Variants in CAMK1D observed in about 807,000 individuals in gnomAD.
CAMK1D encodes calcium/calmodulin-dependent protein kinase type 1D.
CAMK1D carries 9 observed loss-of-function variants against 47.7 expected under a neutral mutation model. The observed-to-expected ratio is 0.19, with a 90% confidence interval of 0.11 to 0.33. The LOEUF is 0.33. Among genes scored for constraint, CAMK1D ranks in the 10% least tolerant of loss-of-function variants. CAMK1D has a pLI of 1.00. For synonymous variants in CAMK1D, 184 were observed against 184.9 expected (o/e 0.99, Z 0.04); for missense variants, 291 against 488.7 (o/e 0.60, Z 3.81).
chr10:12,666,951 C>A, intron 3 of CAMK1D, 141 bp downstream of exon 3: 3 of 679,022 alleles, frequency 4.4e-6, no homozygotes, highest in Non-Finnish European at 7.7e-6. Flanking sequence ...ACTAGAGAGG[C>A]CTGTATCCAA....
At chr10:12,469,735 A>G (rs1452638975) in intron 1 of CAMK1D, among the ~76,000 whole-genome samples, 2 of 152,246 alleles carry the variant, frequency 1.3e-5, no homozygotes, top group Admixed American at 1.3e-4. Flanking sequence ...AAACAATGTT[A>G]TATTTTACTT....
intron 1 of CAMK1D, among the ~76,000 whole-genome samples, chr10:12,495,362 G>A (rs532955494): frequency 6.6e-6 from 1 of 152,326 alleles, no homozygotes; most frequent in South Asian, 2.1e-4. Context: ...GATAGCAATT[G>A]TAGTGAGTCT....
At chr10:12,440,369 C>G (rs1478291518) in intron 1 of CAMK1D, among the ~76,000 whole-genome samples, 1 of 151,844 alleles carries the variant, frequency 6.6e-6, no homozygotes, top group Non-Finnish European at 1.5e-5. Context: ...ACTACAGCCT[C>G]CGCCTTCCGG....
At chr10:12,733,144 C>A (rs1834972743) in intron 3 of CAMK1D, among the ~76,000 whole-genome samples, 1 of 152,214 alleles carries the variant, frequency 6.6e-6, no homozygotes, top group South Asian at 2.1e-4. Context: ...TCTTATATGG[C>A]ACCAGTTGTT....
At chr10:12,647,214 G>C (rs78298089) in intron 2 of CAMK1D, among the ~76,000 whole-genome samples, 1 of 141,412 alleles carries the variant, frequency 7.1e-6, no homozygotes, top group African/African-American at 2.6e-5. Context: ...GCAGTGACGC[G>C]ATCTTGGCTC....
chr10:12,760,586 T>C (rs540559862), intron 3 of CAMK1D: 2 of 188,362 alleles, frequency 1.1e-5, no homozygotes, highest in Non-Finnish European at 2.3e-5. Context: ...TACTGTCTCA[T>C]GCAAAGGAGA....
At chr10:12,737,397 T>C (rs745875126) in intron 3 of CAMK1D, among the ~76,000 whole-genome samples, 15 of 152,178 alleles carry the variant, frequency 9.9e-5, no homozygotes, top group Non-Finnish European at 2.2e-4. Context: ...GTCTCTGTCA[T>C]CATTAGAATG....
intron 1 of CAMK1D, among the ~76,000 whole-genome samples, chr10:12,444,999 T>C (rs1832887564): frequency 2.0e-5 from 3 of 152,362 alleles, no homozygotes; most frequent in South Asian, 2.1e-4. Context: ...TTTCAAAATA[T>C]GTCAAAGAAA....
chr10:12,373,460 C>T (rs1023587909), intron 1 of CAMK1D, among the ~76,000 whole-genome samples: 2 of 151,858 alleles, frequency 1.3e-5, no homozygotes, highest in African/African-American at 4.8e-5. Flanking sequence ...GGTGAAACCC[C>T]GTCTCTACTA....
chr10:12,615,591 GTAT>G (rs1315577787), intron 2 of CAMK1D, among the ~76,000 whole-genome samples: 16 of 13,684 alleles, frequency 1.2e-3, no homozygotes, highest in Non-Finnish European at 5.6e-3. Flanking sequence ...GTGTAGGTGT[GTAT>G]TGTGTTTGCA....
At chr10:12,426,889 A>G (rs1034372795) in intron 1 of CAMK1D, among the ~76,000 whole-genome samples, 2 of 151,948 alleles carry the variant, frequency 1.3e-5, no homozygotes, top group African/African-American at 4.8e-5. Flanking sequence ...TAATTTTTGT[A>G]ATTTTAGTAG....
rs1055463180 is a variant in CAMK1D, at chr10:12,819,322, A to G, written c.833+2994A>G. The stretch of plus-strand genomic sequence containing the variant: ...ATACAACACGGGAGCTTAAAACTGC[A>G]TGTGCGTTCCTGGTGCCCTGAACAC... On this transcript the variant is annotated intron_variant, in intron 8 of 10. Transcript: ENST00000619168. 7.2e-5 allele frequency among the ~76,000 whole-genome samples: 11 copies of G among 152,346 alleles called. No individual in the cohort carries two copies. In the East Asian group the frequency reaches 2.1e-3, roughly 29 times the overall value.
At chr10:12,727,074 T>C (rs1302903027) in intron 3 of CAMK1D, among the ~76,000 whole-genome samples, 1 of 152,230 alleles carries the variant, frequency 6.6e-6, no homozygotes, top group Non-Finnish European at 1.5e-5. Context: ...GTAGCATGCA[T>C]GGCACATGTG....
chr10:12,657,317 C>T (rs1358185606), intron 2 of CAMK1D, among the ~76,000 whole-genome samples: 7 of 151,888 alleles, frequency 4.6e-5, no homozygotes, highest in Non-Finnish European at 7.4e-5. Context: ...TCCAGCTACT[C>T]GGGAGGCTGA....
intron 3 of CAMK1D, among the ~76,000 whole-genome samples, chr10:12,745,594 ATTTTCTTT>A (rs1400217379): frequency 7.0e-6 from 1 of 143,282 alleles, no homozygotes; most frequent in Admixed American, 6.9e-5. Context: ...AACTCTGCCA[ATTTTCTTT>A]TTTTCTTTTT....
intron 1 of CAMK1D, among the ~76,000 whole-genome samples, chr10:12,520,128 C>G (rs1293446354): frequency 1.3e-5 from 1 of 79,206 alleles, no homozygotes; most frequent in African/African-American, 4.9e-5. Flanking sequence ...CTCCTCACTT[C>G]CCAGATGGGG....
chr10:12,541,881 T>TCCTTCCTTCC (rs1836200988), intron 1 of CAMK1D, among the ~76,000 whole-genome samples: 1 of 146,830 alleles, frequency 6.8e-6, no homozygotes, highest in Non-Finnish European at 1.5e-5. Flanking sequence ...CTTCCTTCCT[T>TCCTTCCTTCC]CCTTCCTTTT....
intron 1 of CAMK1D, among the ~76,000 whole-genome samples, chr10:12,529,847 G>A (rs868702893): frequency 6.6e-6 from 1 of 152,172 alleles, no homozygotes; most frequent in Non-Finnish European, 1.5e-5. Flanking sequence ...AGCCTTTCAG[G>A]ATGAATATGA....
At chr10:12,692,235 A>AT (rs1832957429) in intron 3 of CAMK1D, among the ~76,000 whole-genome samples, 1 of 152,216 alleles carries the variant, frequency 6.6e-6, no homozygotes, top group Admixed American at 6.5e-5. Context: ...TGGTCATAGA[A>AT]TGTCACCTGC....
Sources: gnomAD v4.1 joint callset for allele counts (sites outside exome capture counted in the v4.1 genomes callset) on GRCh38, gnomAD v4.1.1 for gene constraint, MANE v1.5 for transcripts, NCBI Gene and HGNC (gene_info 2026-07-23, HGNC 2026-07-21) for gene names.